CCR6: variants seen among roughly 807,000 people sequenced by gnomAD.
CCR6 encodes the protein C-C motif chemokine receptor 6, also known as C-C chemokine receptor type 6.
CCR6 carries 2 observed loss-of-function variants against 3.0 expected under a neutral mutation model. The ratio of observed to expected loss-of-function variants is 0.66; its 90% CI spans 0.27 to 2.07. CCR6 has a LOEUF of 2.07. Ranked by LOEUF, CCR6 falls within the 30% of genes most tolerant of loss-of-function variation. The pLI is 0.14. For missense variants in CCR6, 322 were observed against 462.8 expected, an observed-to-expected ratio of 0.70 and a Z score of 2.79; for synonymous variants, 193 against 184.3, an observed-to-expected ratio of 1.05 and a Z score of -0.38.
intron 1 of CCR6, chr6:167,129,637 GA>G (rs1402032329): frequency 6.6e-6 from 1 of 150,556 alleles, no homozygotes. Context: ...TGCCAAACAG[GA>G]ATCAAGAAAT....
chr6:167,129,778 C>T (rs1781724355), intron 1 of CCR6, among the ~76,000 whole-genome samples: 1 of 151,622 alleles, frequency 6.6e-6, no homozygotes, highest in Non-Finnish European at 1.5e-5. Context: ...AGTGTGCCCG[C>T]CCTACAGGGT....
At chr6:167,123,636 A>G (rs1378696800) in intron 1 of CCR6, among the ~76,000 whole-genome samples, 1 of 152,244 alleles carries the variant, frequency 6.6e-6, no homozygotes, top group African/African-American at 2.4e-5. Flanking sequence ...ATGAAGGCTG[A>G]TGAGTGGGCA....
chr6:167,128,424 C>T (rs995198244), intron 1 of CCR6, among the ~76,000 whole-genome samples: 5 of 152,254 alleles, frequency 3.3e-5, no homozygotes, highest in Non-Finnish European at 5.9e-5. Flanking sequence ...GCAGAGCTGG[C>T]TGGCTTTCCA....
rs1562561815 is a variant in CCR6, at chr6:167,137,097, G to A, written c.867G>A (p.Gln289=). The A allele has an allele frequency of 1.2e-6, 2 of 1,614,168 alleles. No homozygotes were observed. The highest frequency in any genetic ancestry group is 1.7e-6 in the Non-Finnish European group (2 of 1,180,046). The change falls in exon 3 of 3, where the codon CAG becomes CAA. Residue 289 remains glutamine, a synonymous_variant. Coordinates refer to ENST00000341935, the MANE Select transcript of CCR6 (RefSeq NM_031409.4). The surrounding 1 kb of genome is among the most constrained non-coding windows in gnomAD (Gnocchi z 4.6). ...ANLGKMNRSC[Q]SEKLIGYTKT... ...TGGGTAAAATGAACCGATCCTGCCA[G>A]AGCGAAAAGCTAATTGGCTATACGA...
At chr6:167,120,164 G>A (rs1010700589), upstream of CCR6, among the ~76,000 whole-genome samples, 2 of 152,036 alleles carry the variant, frequency 1.3e-5, no homozygotes, top group African/African-American at 4.8e-5. Context: ...GTGCTTCTCA[G>A]TTGGGGCCTC....
At chr6:167,113,601 T>C (rs111392045) in intron 1 of CCR6, among the ~76,000 whole-genome samples, 3,385 of 152,200 alleles carry the variant, frequency 0.022, 136 homozygotes, top group African/African-American at 0.078. Context: ...CCAGGCAGGG[T>C]TGGACGACGC....
intron 1 of CCR6, among the ~76,000 whole-genome samples, chr6:167,128,526 C>T (rs1781706230): frequency 6.6e-6 from 1 of 152,232 alleles, no homozygotes; most frequent in African/African-American, 2.4e-5. Context: ...TTTGCTGCTG[C>T]TGCACTTTCA....
At chr6:167,128,166 C>A (rs745727029) in intron 1 of CCR6, among the ~76,000 whole-genome samples, 1 of 152,248 alleles carries the variant, frequency 6.6e-6, no homozygotes, top group Admixed American at 6.5e-5. Flanking sequence ...CTGCTTACCT[C>A]CAGGCCCTTA....
At chr6:167,116,406 C>T (rs530804064) in intron 1 of CCR6, among the ~76,000 whole-genome samples, 1 of 152,246 alleles carries the variant, frequency 6.6e-6, no homozygotes, top group African/African-American at 2.4e-5. Context: ...GGCTTGACAC[C>T]CTTTCCAGCA....
intron 1 of CCR6, among the ~76,000 whole-genome samples, chr6:167,113,700 G>T (rs1188699904): frequency 2.0e-5 from 3 of 152,204 alleles, no homozygotes; most frequent in Non-Finnish European, 4.4e-5. Flanking sequence ...TGTTTAAAAT[G>T]ATTAGTTGAA....
chr6:167,121,395 T>A (rs1213001009), upstream of CCR6: 1 of 152,250 alleles, frequency 6.6e-6, no homozygotes, highest in Non-Finnish European at 1.5e-5. Context: ...TAATCATCTA[T>A]AAAAGGGCTT....
In CCR6 at chr6:167,136,748, G is replaced by A; in HGVS notation, c.518G>A (p.Gly173Glu). ...RSKIICLVVW[G>E]LSVIISSSTF... ...AAAATCATCTGCCTTGTTGTGTGGG[G>A]GCTGTCAGTCATCATCTCCAGCTCA... Residue 173 changes from glycine (G) to glutamate (E), a missense_variant, in exon 3 of 3, where the codon GGG (glycine) becomes GAG (glutamate). Physicochemically the swap from Gly to Glu is moderately conservative, Grantham distance 98. Transcript: ENST00000341935. This position sits in a 1 kb window ranked among gnomAD's most constrained non-coding sequence, Gnocchi z 4.6. The A allele has an allele frequency of 1.9e-6, 3 of 1,613,966 alleles. No individual in the cohort carries two copies. The highest frequency in any genetic ancestry group is 1.1e-5 in the South Asian group (1 of 91,076).
chr6:167,136,591 C>T lies in CCR6; in HGVS notation c.361C>T (p.Leu121=). 6.2e-7 allele frequency: 1 copy of T among 1,611,630 alleles called. No individual in the cohort carries two copies. The highest frequency in any genetic ancestry group is 1.3e-5 in the African/African-American group (1 of 75,022). The change falls in exon 3 of 3, where the codon CTA becomes TTA. Residue 121 remains leucine (L), a synonymous_variant. Transcript: ENST00000341935. This position sits in a 1 kb window ranked among gnomAD's most constrained non-coding sequence, Gnocchi z 4.6. ...WVFSNATCKL[L]KGIYAINFNC... ...TTTCAGCAATGCCACGTGCAAGTTG[C>T]TAAAAGGCATCTATGCCATCAACTT...
upstream of CCR6, among the ~76,000 whole-genome samples, chr6:167,121,327 A>G (rs548765621): frequency 1.3e-5 from 2 of 152,376 alleles, no homozygotes. Context: ...GGTCCCCAGC[A>G]AAGTCCAATC....
chr6:167,115,002 C>CA (rs1415782983), intron 1 of CCR6: 1 of 152,218 alleles, frequency 6.6e-6, no homozygotes, highest in Non-Finnish European at 1.5e-5. Context: ...TTTAGTAAAT[C>CA]AAAAAATCAG....
chr6:167,124,321 C>CA (rs920681716), intron 1 of CCR6, among the ~76,000 whole-genome samples: 81 of 137,924 alleles, frequency 5.9e-4, no homozygotes, highest in Admixed American at 9.2e-4. Context: ...CGGGGGAAAA[C>CA]AAAAAAAAAA....
chr6:167,136,664 T>C lies in CCR6; in HGVS notation c.434T>C (p.Ile145Thr). Residue 145 changes from isoleucine to threonine, a missense_variant, in exon 3 of 3, where the codon ATC becomes ACC. Coordinates refer to ENST00000341935, the MANE Select transcript of CCR6 (RefSeq NM_031409.4). This position sits in a 1 kb window ranked among gnomAD's most constrained non-coding sequence, Gnocchi z 4.6. ...ACTTGCATTAGCATGGACCGGTACA[T>C]CGCCATTGTACAGGCGACTAAGTCA... ...LLTCISMDRY[I>T]AIVQATKSFR... The C allele has an allele frequency of 6.2e-7, 1 of 1,614,164 alleles. No individual in the cohort carries two copies. Among genetic ancestry groups the C allele is most frequent in the Non-Finnish European group, 8.5e-7 (1 of 1,180,048 alleles).
At chr6:167,130,360 A>G (rs1209697389) in intron 1 of CCR6, among the ~76,000 whole-genome samples, 1 of 151,878 alleles carries the variant, frequency 6.6e-6, no homozygotes, top group Non-Finnish European at 1.5e-5. Flanking sequence ...GAACAGAAAT[A>G]TCTACTAAAA....
chr6:167,128,761 A>G (rs1781709767), intron 1 of CCR6, among the ~76,000 whole-genome samples: 1 of 152,204 alleles, frequency 6.6e-6, no homozygotes, highest in South Asian at 2.1e-4. Flanking sequence ...TTTGGTAGAG[A>G]CAAGGTTTCA....
Sources: gnomAD v4.1 joint callset for allele counts (sites outside exome capture counted in the v4.1 genomes callset) on GRCh38, gnomAD v4.1.1 for gene constraint, Gnocchi (gnomAD v3.1) non-coding constraint, MANE v1.5 for transcripts, NCBI Gene and HGNC (gene_info 2026-07-23, HGNC 2026-07-21) for gene names.